Variants in CACNA1E observed in about 807,000 individuals in gnomAD.
The protein encoded by CACNA1E is calcium voltage-gated channel subunit alpha1 E, also known as voltage-dependent R-type calcium channel subunit alpha-1E.
CACNA1E carries 40 observed loss-of-function variants against 259.2 expected under a neutral mutation model. The observed-to-expected ratio is 0.15, with a 90% confidence interval of 0.12 to 0.20. The LOEUF (loss-of-function observed/expected upper bound fraction) is 0.20, where lower values mean the gene tolerates loss of function less well. Among genes scored for constraint, CACNA1E ranks in the 10% least tolerant of loss-of-function variants. The pLI is 1.00. For missense variants in CACNA1E, 1,874 were observed against 3,040.1 expected (o/e 0.62, Z 9.02); for synonymous variants, 1,104 against 1,138.5 (o/e 0.97, Z 0.61).
At chr1:181,339,763 C>A (rs1652006362) in intron 1 of CACNA1E, among the ~76,000 whole-genome samples, 2 of 152,018 alleles carry the variant, frequency 1.3e-5, no homozygotes, top group African/African-American at 4.8e-5. Context: ...TTATTAAAAA[C>A]CATTTATATT....
intron 6 of CACNA1E, among the ~76,000 whole-genome samples, chr1:181,623,989 C>T (rs1036265803): frequency 6.6e-5 from 10 of 152,176 alleles, no homozygotes; most frequent in African/African-American, 2.4e-4. Context: ...GCAATCTATA[C>T]AAGAAGCATG....
intron 14 of CACNA1E, 31 bp downstream of exon 14, chr1:181,720,368 A>T (rs1209550844): frequency 1.2e-6 from 2 of 1,603,960 alleles, no homozygotes; most frequent in Non-Finnish European, 1.7e-6. Context: ...CATCCAAAGG[A>T]GGCTCAAAAC....
chr1:181,325,904 C>T (rs1284935921), intron 1 of CACNA1E, among the ~76,000 whole-genome samples: 1 of 152,164 alleles, frequency 6.6e-6, no homozygotes, highest in East Asian at 1.9e-4. Context: ...AGGGGACAGA[C>T]AGGGATTGGG....
At chr1:181,359,664 G>C (rs1195412238) in intron 1 of CACNA1E, among the ~76,000 whole-genome samples, 6 of 152,112 alleles carry the variant, frequency 3.9e-5, no homozygotes, top group Non-Finnish European at 8.8e-5. Context: ...GGGTGATAGG[G>C]GGTTTTAAAA....
At chr1:181,686,794 T>C (rs1650628907) in intron 7 of CACNA1E, among the ~76,000 whole-genome samples, 1 of 152,164 alleles carries the variant, frequency 6.6e-6, no homozygotes, top group Non-Finnish European at 1.5e-5. Context: ...TGGGGATGCT[T>C]GCAGCACCTT....
At chr1:181,420,336 C>A (rs1040336655) in intron 2 of CACNA1E, among the ~76,000 whole-genome samples, 1 of 152,112 alleles carries the variant, frequency 6.6e-6, no homozygotes, top group African/African-American at 2.4e-5. Flanking sequence ...TCCTAAGAAC[C>A]TATTTAAAGG....
intron 1 of CACNA1E, among the ~76,000 whole-genome samples, chr1:181,369,058 C>T (rs75205706): frequency 0.016 from 2,403 of 152,256 alleles, 72 homozygotes; most frequent in African/African-American, 0.053. Flanking sequence ...AGGGTTGAAG[C>T]GCATGCTGTG....
chr1:181,446,388 G>C (rs1186602475), intron 2 of CACNA1E, among the ~76,000 whole-genome samples: 1 of 152,230 alleles, frequency 6.6e-6, no homozygotes, highest in Non-Finnish European at 1.5e-5. Context: ...CGGCCTAATG[G>C]ATAAAGCTAT....
intron 1 of CACNA1E, among the ~76,000 whole-genome samples, chr1:181,351,932 A>T (rs991868563): frequency 6.6e-6 from 1 of 152,182 alleles, no homozygotes; most frequent in African/African-American, 2.4e-5. Context: ...GCTGTTATTC[A>T]GCCTGCCACA....
chr1:181,713,969 C>G (rs1653643480), intron 8 of CACNA1E, among the ~76,000 whole-genome samples: 1 of 152,142 alleles, frequency 6.6e-6, no homozygotes, highest in Non-Finnish European at 1.5e-5. Context: ...TTTTAGAACT[C>G]CAACAAGCAA....
chr1:181,719,960 G>A, intron 13 of CACNA1E, 97 bp downstream of exon 13: 6 of 810,336 alleles, frequency 7.4e-6, no homozygotes, highest in Non-Finnish European at 1.2e-5. Flanking sequence ...CCCCTTAGGG[G>A]GAAAGTATCC....
At chr1:181,322,288 G>A (rs1650418652) in intron 1 of CACNA1E, among the ~76,000 whole-genome samples, 1 of 152,144 alleles carries the variant, frequency 6.6e-6, no homozygotes, top group Admixed American at 6.5e-5. Context: ...TCTGAGCAGT[G>A]GGGGAAGAGG....
chr1:181,704,130 ACC>A, intron 7 of CACNA1E, among the ~76,000 whole-genome samples: 1 of 152,192 alleles, frequency 6.6e-6, no homozygotes, highest in Non-Finnish European at 1.5e-5. Flanking sequence ...TTTATTGACA[ACC>A]TAAGTCTCCT....
At chr1:181,642,373 A>C (rs766229473) in intron 6 of CACNA1E, among the ~76,000 whole-genome samples, 16 of 152,134 alleles carry the variant, frequency 1.1e-4, no homozygotes, top group Non-Finnish European at 2.1e-4. Context: ...TGGCGACCAG[A>C]AGGACTGATT....
At chr1:181,748,327 G>T (rs902490893) in intron 25 of CACNA1E, among the ~76,000 whole-genome samples, 2 of 152,084 alleles carry the variant, frequency 1.3e-5, no homozygotes, top group African/African-American at 4.8e-5. Flanking sequence ...GCCTTATATG[G>T]TATATGTGGT....
At chr1:181,551,714 A>C (rs1648179524) in intron 3 of CACNA1E, among the ~76,000 whole-genome samples, 1 of 152,058 alleles carries the variant, frequency 6.6e-6, no homozygotes, top group South Asian at 2.1e-4. Flanking sequence ...CCAGTTCATC[A>C]ACACCTTCAA....
In CACNA1E at chr1:181,334,653, C is replaced by A. The variant is rs75107930; in HGVS notation, c.-15+16530C>A. 9.1e-3 allele frequency among the ~76,000 whole-genome samples: 1,386 copies of A among 152,304 alleles called. 22 individuals are homozygous for A. The highest frequency in any genetic ancestry group is 0.03 in the African/African-American group (1,237 of 41,560). On this transcript the variant is annotated intron_variant, in intron 1 of 11. Transcript: ENST00000524607. ...TGTCAGCAAATCCTGTTGGCTCTGT[C>A]TTCAAAATATATCTGCTTCTCACCA... is the stretch of plus-strand genomic sequence containing the variant.
intron 6 of CACNA1E, among the ~76,000 whole-genome samples, chr1:181,592,780 A>T (rs1353168072): frequency 6.6e-6 from 1 of 151,954 alleles, no homozygotes; most frequent in Non-Finnish European, 1.5e-5. Context: ...TTCTTTCCCC[A>T]ACTCTCCCAT....
chr1:181,756,547 T>C (rs113403006), intron 29 of CACNA1E, among the ~76,000 whole-genome samples: 8 of 152,206 alleles, frequency 5.3e-5, no homozygotes, highest in African/African-American at 1.9e-4. Context: ...GCAGGTCTTA[T>C]GCTGCCCGTA....
Sources: allele counts gnomAD v4.1 joint callset (sites outside exome capture counted in the v4.1 genomes callset), GRCh38; gene constraint gnomAD v4.1.1; transcripts MANE v1.5; gene names NCBI Gene and HGNC (gene_info 2026-07-23, HGNC 2026-07-21).